The following CDH18 variants were observed in gnomAD, a reference collection of about 807,000 sequenced individuals.
CDH18 encodes the protein cadherin 18.
Under a neutral mutation model 67.9 loss-of-function variants are expected in CDH18, and 31 were observed. That is an observed-to-expected ratio of 0.46 (90% CI 0.34 to 0.62). CDH18 has a LOEUF of 0.62. Ranked by LOEUF, CDH18 falls within the 20% of genes least tolerant of loss-of-function variation. The pLI is 0.01. For synonymous variants in CDH18, 362 were observed against 347.2 expected, an observed-to-expected ratio of 1.04 and a Z score of -0.48; for missense variants, 890 against 975.5, an observed-to-expected ratio of 0.91 and a Z score of 1.17.
chr5:20,554,637 C>T (rs1003625417), intron 1 of CDH18, among the ~76,000 whole-genome samples: 1 of 152,278 alleles, frequency 6.6e-6, no homozygotes, highest in African/African-American at 2.4e-5. Flanking sequence ...TTCTCTCACT[C>T]CATGTGCTTT....
rs141106910 is a variant in CDH18, at chr5:20,206,195, C to G, written c.-518+49249G>C. ...ACAGAAATGCAAAAATCATTAGACA[C>G]TATTGTGCACAACTATATGCCAACA... is the stretch of plus-strand genomic sequence containing the variant. On this transcript the variant is annotated intron_variant, in intron 2 of 14. Coordinates refer to the CDH18 transcript ENST00000507958. 2.6e-3 allele frequency among the ~76,000 whole-genome samples: 393 copies of G among 151,866 alleles called. 1 individual carries two copies. The highest frequency in any genetic ancestry group is 4.1e-3 in the Admixed American group (62 of 15,212).
chr5:19,505,086 T>A (rs1050043820), intron 10 of CDH18, among the ~76,000 whole-genome samples: 1 of 152,168 alleles, frequency 6.6e-6, no homozygotes, highest in East Asian at 1.9e-4. Flanking sequence ...TAATTTCAAA[T>A]GCGAATTAAA....
intron 1 of CDH18, among the ~76,000 whole-genome samples, chr5:20,394,087 T>C (rs972295452): frequency 4.6e-5 from 7 of 151,874 alleles, no homozygotes; most frequent in African/African-American, 1.7e-4. Flanking sequence ...ATCCCAAAAG[T>C]ACCTGAATAG....
chr5:20,379,034 C>G (rs1445138031), intron 1 of CDH18, among the ~76,000 whole-genome samples: 3 of 152,072 alleles, frequency 2.0e-5, no homozygotes, highest in Non-Finnish European at 4.4e-5. Flanking sequence ...TGTCTACACT[C>G]TATGTTTTAT....
chr5:20,382,681 A>C (rs1224008340), intron 1 of CDH18, among the ~76,000 whole-genome samples: 1 of 152,166 alleles, frequency 6.6e-6, no homozygotes, highest in Admixed American at 6.5e-5. Flanking sequence ...CTAGTGACAG[A>C]AGCAATAAAC....
intron 1 of CDH18, among the ~76,000 whole-genome samples, chr5:20,365,166 GAT>G (rs768860047): frequency 3.3e-5 from 5 of 152,152 alleles, no homozygotes; most frequent in South Asian, 2.1e-4. Flanking sequence ...GTTGGGTTCT[GAT>G]ATGAGACCTC....
intron 5 of CDH18, among the ~76,000 whole-genome samples, chr5:19,688,764 GAC>G (rs1412295154): frequency 6.6e-6 from 1 of 151,880 alleles, no homozygotes; most frequent in Non-Finnish European, 1.5e-5. Flanking sequence ...AAAACAAAAA[GAC>G]ACAGACAAAA....
At chr5:20,246,049 G>A (rs1392630460) in intron 2 of CDH18, among the ~76,000 whole-genome samples, 1 of 152,134 alleles carries the variant, frequency 6.6e-6, no homozygotes, top group Non-Finnish European at 1.5e-5. Context: ...GAAGCAAGCA[G>A]TAGCATATAA....
At chr5:19,719,436 T>C (rs1314704994) in intron 5 of CDH18, among the ~76,000 whole-genome samples, 1 of 151,992 alleles carries the variant, frequency 6.6e-6, no homozygotes, top group East Asian at 1.9e-4. Context: ...TTTATATTTA[T>C]TTTATATTTG....
intron 1 of CDH18, among the ~76,000 whole-genome samples, chr5:20,512,884 C>CA (rs71695578): frequency 0.055 from 6,974 of 125,726 alleles, 185 homozygotes; most frequent in African/African-American, 0.094. Context: ...ACTCTGTCTC[C>CA]AAAAAAAAAA....
At chr5:19,738,675 G>A (rs760017031) in intron 4 of CDH18, among the ~76,000 whole-genome samples, 1 of 152,112 alleles carries the variant, frequency 6.6e-6, no homozygotes, top group Admixed American at 6.5e-5. Flanking sequence ...TTCCAAGTCT[G>A]GCCTACATTC....
chr5:20,550,976 C>G (rs976956035), intron 1 of CDH18, among the ~76,000 whole-genome samples: 3 of 152,068 alleles, frequency 2.0e-5, no homozygotes, highest in African/African-American at 7.2e-5. Context: ...ACAGCCAGCT[C>G]TCCCATGAAC....
chr5:20,436,991 CA>C (rs916736630), intron 1 of CDH18, among the ~76,000 whole-genome samples: 17 of 151,066 alleles, frequency 1.1e-4, no homozygotes, highest in African/African-American at 4.1e-4. Flanking sequence ...TACAGAATGA[CA>C]AAACCAAAAA....
At chr5:20,557,486 G>T (rs1280257899) in intron 1 of CDH18, among the ~76,000 whole-genome samples, 1 of 152,014 alleles carries the variant, frequency 6.6e-6, no homozygotes, top group African/African-American at 2.4e-5. Context: ...TCAATAAATT[G>T]CTTTGTAGCT....
At chr5:20,337,206 C>T (rs1450880640) in intron 1 of CDH18, among the ~76,000 whole-genome samples, 1 of 152,148 alleles carries the variant, frequency 6.6e-6, no homozygotes, top group Non-Finnish European at 1.5e-5. Flanking sequence ...AGACATTTTC[C>T]CCCATTGTCT....
intron 7 of CDH18, among the ~76,000 whole-genome samples, chr5:19,584,928 G>A (rs1390217251): frequency 4.6e-5 from 7 of 151,242 alleles, no homozygotes; most frequent in South Asian, 2.1e-4. Flanking sequence ...ACTAGGGACC[G>A]AGGCGGCAGT....
chr5:19,987,302 A>C (rs1020571805), intron 1 of CDH18, among the ~76,000 whole-genome samples: 2 of 151,386 alleles, frequency 1.3e-5, no homozygotes, highest in African/African-American at 4.9e-5. Context: ...ATAAGGCATA[A>C]TTTACCTTGT....
chr5:19,587,615 A>C (rs1158318982), intron 7 of CDH18, among the ~76,000 whole-genome samples: 1 of 149,008 alleles, frequency 6.7e-6, no homozygotes, highest in African/African-American at 2.5e-5. Flanking sequence ...ATGCAGTCTT[A>C]TGTGTGGGTT....
chr5:19,868,481 T>G (rs1785853045), intron 2 of CDH18, among the ~76,000 whole-genome samples: 1 of 152,190 alleles, frequency 6.6e-6, no homozygotes, highest in South Asian at 2.1e-4. Context: ...CGCTTAAAAT[T>G]GAATTTACTG....
Sources: allele counts gnomAD v4.1 joint callset (sites outside exome capture counted in the v4.1 genomes callset), GRCh38; gene constraint gnomAD v4.1.1; transcripts MANE v1.5; gene names NCBI Gene and HGNC (gene_info 2026-07-23, HGNC 2026-07-21).